Variants in HPSE2 observed in about 807,000 individuals in gnomAD.
HPSE2 encodes the protein heparanase 2 (inactive).
A neutral mutation model predicts 60.5 loss-of-function variants in HPSE2; 38 were observed. That is an observed-to-expected ratio of 0.63 (90% CI 0.48 to 0.82). The LOEUF is 0.82. Among genes scored for constraint, HPSE2 ranks in the 40% least tolerant of loss-of-function variants. The pLI is 0.00. For synonymous variants in HPSE2, 295 were observed against 293.2 expected (o/e 1.01, Z -0.06); for missense variants, 713 against 740.4 (o/e 0.96, Z 0.43).
chr10:98,969,926 C>T (rs1430194146), intron 3 of HPSE2, among the ~76,000 whole-genome samples: 1 of 151,442 alleles, frequency 6.6e-6, no homozygotes, highest in African/African-American at 2.4e-5. Context: ...TTTCACGTGG[C>T]AAAAGCAGGA....
chr10:98,537,053 G>C (rs1943304756), intron 9 of HPSE2, among the ~76,000 whole-genome samples: 1 of 152,206 alleles, frequency 6.6e-6, no homozygotes, highest in Admixed American at 6.5e-5. Context: ...TGGCCTCAGT[G>C]TAGAAAATGG....
intron 3 of HPSE2, among the ~76,000 whole-genome samples, chr10:98,864,507 T>A (rs1480278955): frequency 6.6e-6 from 1 of 152,148 alleles, no homozygotes; most frequent in East Asian, 1.9e-4. Flanking sequence ...TCTTATATAA[T>A]CCTTAAAGTG....
intron 3 of HPSE2, among the ~76,000 whole-genome samples, chr10:98,889,514 T>G (rs776162637): frequency 6.6e-6 from 1 of 152,068 alleles, no homozygotes; most frequent in South Asian, 2.1e-4. Flanking sequence ...AGCCGGTTTT[T>G]AAACTTTTAT....
At chr10:99,138,735 C>T (rs1564838477) in intron 3 of HPSE2, among the ~76,000 whole-genome samples, 1 of 152,008 alleles carries the variant, frequency 6.6e-6, no homozygotes, top group Non-Finnish European at 1.5e-5. Flanking sequence ...CACACCAGGG[C>T]CTTTTGGGCG....
At chr10:98,803,556 C>T (rs1455455603) in intron 3 of HPSE2, among the ~76,000 whole-genome samples, 8 of 152,012 alleles carry the variant, frequency 5.3e-5, no homozygotes, top group Non-Finnish European at 1.0e-4. Context: ...CCAGTTTTCC[C>T]AGCACCATTT....
At chr10:98,479,925 A>G (rs1941169178) in intron 11 of HPSE2, among the ~76,000 whole-genome samples, 1 of 152,196 alleles carries the variant, frequency 6.6e-6, no homozygotes, top group African/African-American at 2.4e-5. Flanking sequence ...CTCAGGTTTG[A>G]TCACAAAGAT....
chr10:99,132,196 AGAGAG>A (rs1845440486), intron 3 of HPSE2, among the ~76,000 whole-genome samples: 45 of 43,440 alleles, frequency 1.0e-3, no homozygotes, highest in African/African-American at 2.4e-3. Flanking sequence ...AAAGAAAGAG[AGAGAG>A]AGAGAGAGAG....
intron 3 of HPSE2, among the ~76,000 whole-genome samples, chr10:99,100,949 G>C (rs1000581761): frequency 3.9e-5 from 6 of 151,962 alleles, no homozygotes; most frequent in East Asian, 1.9e-4. Context: ...GGCTGATTTT[G>C]TCACCACCAG....
At chr10:98,732,870 T>A (rs1018408035) in intron 4 of HPSE2, among the ~76,000 whole-genome samples, 22 of 152,094 alleles carry the variant, frequency 1.4e-4, no homozygotes, top group African/African-American at 5.3e-4. Flanking sequence ...ATACTTGAAT[T>A]TTTAAAAAAA....
intron 3 of HPSE2, among the ~76,000 whole-genome samples, chr10:99,062,039 T>C (rs1226922686): frequency 6.6e-6 from 1 of 152,188 alleles, no homozygotes. Context: ...AAGTCTTTTA[T>C]CAATTTGCTT....
chr10:99,284,004 A>AC, the HPSE2 span, among the ~76,000 whole-genome samples: 1 of 39,004 alleles, frequency 2.6e-5, no homozygotes, highest in South Asian at 1.0e-3. Flanking sequence ...AAAAACTTAA[A>AC]GGGAAGAAAC....
intron 3 of HPSE2, among the ~76,000 whole-genome samples, chr10:98,764,652 G>A (rs1360412898): frequency 3.3e-5 from 5 of 152,074 alleles, no homozygotes; most frequent in African/African-American, 4.8e-5. Flanking sequence ...TCAGAAGTTC[G>A]AGACCAGCCA....
At chr10:98,629,618 T>G (rs1946308119) in intron 7 of HPSE2, among the ~76,000 whole-genome samples, 2 of 152,186 alleles carry the variant, frequency 1.3e-5, no homozygotes, top group South Asian at 4.1e-4. Context: ...TGTTCCTTGG[T>G]CTTACTGCCT....
At chr10:98,553,545 A>G (rs1287602412) in intron 9 of HPSE2, among the ~76,000 whole-genome samples, 1 of 152,102 alleles carries the variant, frequency 6.6e-6, no homozygotes, top group African/African-American at 2.4e-5. Flanking sequence ...CACGGAACAC[A>G]CCTCAAGCCT....
At chr10:98,940,067 G>T (rs771159333) in intron 3 of HPSE2, among the ~76,000 whole-genome samples, 1 of 142,532 alleles carries the variant, frequency 7.0e-6, no homozygotes, top group African/African-American at 2.9e-5. Context: ...AGAATCTCTG[G>T]GACACATTCA....
chr10:99,076,595 T>A (rs138887116), intron 3 of HPSE2, among the ~76,000 whole-genome samples: 1,733 of 152,030 alleles, frequency 0.011, 12 homozygotes, highest in Non-Finnish European at 0.019. Context: ...GTCACATTGG[T>A]CAGGCTGGTC....
chr10:98,740,332 C>T (rs1037602209), intron 4 of HPSE2, among the ~76,000 whole-genome samples: 3 of 151,926 alleles, frequency 2.0e-5, no homozygotes, highest in Admixed American at 6.6e-5. Context: ...CATGCTACCA[C>T]GCCCAGCTAA....
intron 3 of HPSE2, among the ~76,000 whole-genome samples, chr10:99,085,367 G>C (rs188342789): frequency 5.9e-5 from 9 of 152,312 alleles, no homozygotes; most frequent in Admixed American, 5.9e-4. Context: ...ACCATAGTGT[G>C]CCACGATGGG....
intron 3 of HPSE2, among the ~76,000 whole-genome samples, chr10:98,932,788 T>C (rs1259100859): frequency 7.0e-6 from 1 of 143,828 alleles, no homozygotes; most frequent in African/African-American, 2.8e-5. Flanking sequence ...TATTCTCTGA[T>C]GGTTGTTTGT....
Sources: allele counts gnomAD v4.1 joint callset (sites outside exome capture counted in the v4.1 genomes callset), GRCh38; gene constraint gnomAD v4.1.1; transcripts MANE v1.5; gene names NCBI Gene and HGNC (gene_info 2026-07-23, HGNC 2026-07-21).